Variants in BNC1 observed in about 807,000 individuals in gnomAD.
BNC1 encodes basonuclin zinc finger protein 1.
BNC1 carries 8 observed loss-of-function variants against 66.5 expected under a neutral mutation model. The ratio of observed to expected loss-of-function variants is 0.12; its 90% confidence interval spans 0.07 to 0.22. The LOEUF (loss-of-function observed/expected upper bound fraction) is 0.22, where lower values mean the gene tolerates loss of function less well. BNC1 is among the 10% of genes least tolerant of loss of function. The pLI is 1.00. For missense variants in BNC1, 1,069 were observed against 1,241.3 expected (o/e 0.86, Z 2.09); for synonymous variants, 454 against 452.6 (o/e 1.00, Z -0.04).
intron 4 of BNC1, among the ~76,000 whole-genome samples, chr15:83,260,608 C>T (rs1426890444): frequency 6.6e-6 from 1 of 152,190 alleles, no homozygotes; most frequent in Non-Finnish European, 1.5e-5. Flanking sequence ...CTGTAATTGC[C>T]TGTTTCTGGT....
At chr15:83,262,789 T>TA (rs2038158747) in intron 4 of BNC1, among the ~76,000 whole-genome samples, 162 bp downstream of exon 4, 1 of 152,186 alleles carries the variant, frequency 6.6e-6, no homozygotes, top group African/African-American at 2.4e-5. Context: ...GGGAACTTGT[T>TA]AAAAATGCCA....
rs750665685 is a variant in BNC1, at chr15:83,268,634, A to G, written c.100-402T>C. On this transcript the variant is annotated intron_variant, in intron 1 of 4. Coordinates refer to ENST00000345382, the MANE Select transcript of BNC1 (RefSeq NM_001717.4). ...CTTGGAACAAGTAAAAGGGAGAATA[A>G]TATGAACTGAGAGTAATCTACATAT... 7.9e-5 allele frequency among the ~76,000 whole-genome samples: 12 copies of G among 152,232 alleles called. No homozygotes were observed. The East Asian group carries it at 1.2e-3, about 15-fold the overall frequency.
chr15:83,283,381 C>G, intron 1 of BNC1: 1 of 1,360,654 alleles, frequency 7.3e-7, no homozygotes, highest in East Asian at 2.9e-5. Flanking sequence ...AGCGGGAGAC[C>G]CCGCAGCGGC....
intron 1 of BNC1, among the ~76,000 whole-genome samples, chr15:83,270,923 C>T (rs770446395): frequency 6.6e-6 from 1 of 152,184 alleles, no homozygotes; most frequent in Admixed American, 6.5e-5. Context: ...GAAAGCCACT[C>T]AACTGTACAC....
At chr15:83,266,314 A>AT (rs988300769) in intron 3 of BNC1, among the ~76,000 whole-genome samples, 1 of 152,092 alleles carries the variant, frequency 6.6e-6, no homozygotes, top group Non-Finnish European at 1.5e-5. Flanking sequence ...AGAGAGAGAG[A>AT]TTGAGAATGA....
intron 3 of BNC1, 42 bp from the exon 4 acceptor site, chr15:83,264,857 C>A (rs1291156143): frequency 6.4e-7 from 1 of 1,563,802 alleles, no homozygotes; most frequent in East Asian, 2.2e-5. Flanking sequence ...CAATTTACAA[C>A]TCCTTACCCT....
intron 3 of BNC1, 127 bp from the exon 4 acceptor site, chr15:83,264,942 G>A: frequency 2.1e-6 from 2 of 941,644 alleles, no homozygotes; most frequent in South Asian, 1.7e-5. Flanking sequence ...GCAGGGCTTT[G>A]GGGAATTTAG....
At chr15:83,284,437 C>T (rs2038421987) in intron 1 of BNC1, 93 bp downstream of exon 1, 1 of 837,146 alleles carries the variant, frequency 1.2e-6, no homozygotes, top group Non-Finnish European at 1.5e-6. Context: ...AGGTGGCCCT[C>T]GGGTACCCAC....
chr15:83,283,243 G>T, intron 1 of BNC1: 1 of 1,535,270 alleles, frequency 6.5e-7, no homozygotes, highest in South Asian at 1.2e-5. Context: ...GCTACGCGCT[G>T]ATTAATATCA....
chr15:83,261,289 AT>A (rs1386778393), intron 4 of BNC1, among the ~76,000 whole-genome samples: 1 of 152,200 alleles, frequency 6.6e-6, no homozygotes, highest in Non-Finnish European at 1.5e-5. Context: ...TAATATAAAC[AT>A]TTAACTAATA....
intron 1 of BNC1, among the ~76,000 whole-genome samples, chr15:83,281,955 C>A (rs767532773): frequency 2.0e-5 from 3 of 152,168 alleles, no homozygotes; most frequent in Non-Finnish European, 2.9e-5. Flanking sequence ...TAAAATAGCC[C>A]TCCAGTAAAT....
intron 2 of BNC1, among the ~76,000 whole-genome samples, chr15:83,267,823 T>C (rs1245816249): frequency 1.3e-5 from 2 of 152,198 alleles, no homozygotes; most frequent in Non-Finnish European, 2.9e-5. Context: ...TAACTAAGCG[T>C]TCTGTATTTT....
chr15:83,268,251 C>G lies in BNC1; in HGVS notation c.100-19G>C. On this transcript the variant is annotated intron_variant, in intron 1 of 4. Transcript: ENST00000345382. ...TGATAGCCTGAAAAAGAGGAGAAAACAGGTATGTGGAGCATGTAAGTGATG... is the reference window on the plus strand; with the variant it reads ...TGATAGCCTGAAAAAGAGGAGAAAAGAGGTATGTGGAGCATGTAAGTGATG... 6.3e-7 allele frequency: 1 copy of G among 1,591,118 alleles called. No individual in the cohort carries two copies. Among genetic ancestry groups the G allele is most frequent in the Non-Finnish European group, 8.6e-7 (1 of 1,159,078 alleles).
chr15:83,269,217 C>A (rs2038246517), intron 1 of BNC1, among the ~76,000 whole-genome samples: 1 of 152,146 alleles, frequency 6.6e-6, no homozygotes, highest in African/African-American at 2.4e-5. Context: ...GAGCGAGACT[C>A]CCTCTCAAAA....
At chr15:83,282,876 A>T (rs372173595) in intron 1 of BNC1, among the ~76,000 whole-genome samples, 8 of 150,208 alleles carry the variant, frequency 5.3e-5, no homozygotes, top group Middle Eastern at 3.2e-3. Context: ...TCACACACAC[A>T]CTCTCTCTCT....
At chr15:83,261,425 A>C (rs2038139270) in intron 4 of BNC1, among the ~76,000 whole-genome samples, 1 of 152,252 alleles carries the variant, frequency 6.6e-6, no homozygotes, top group South Asian at 2.1e-4. Flanking sequence ...AACTTGGACC[A>C]AGTGGTGGTG....
chr15:83,282,510 G>C (rs1036807172), intron 1 of BNC1, among the ~76,000 whole-genome samples: 1 of 152,120 alleles, frequency 6.6e-6, no homozygotes, highest in Non-Finnish European at 1.5e-5. Flanking sequence ...TTTATATGAT[G>C]TACAAAATTT....
rs2038194591 is a variant in BNC1, at chr15:83,264,565, C to T, written c.686G>A (p.Ser229Asn). 2 of 1,614,016 alleles carry T rather than the reference C, an allele frequency of 1.2e-6. No individual in the cohort carries two copies. Among genetic ancestry groups the T allele is most frequent in the Admixed American group, 1.7e-5 (1 of 59,998 alleles). The change falls in exon 4 of 5, where the codon AGT becomes AAT. Residue 229 changes from serine (S) to asparagine (N), a missense_variant. Coordinates refer to ENST00000345382, the MANE Select transcript of BNC1 (RefSeq NM_001717.4). ...TATGAGGTTCTCAAAGGGGTGTATA[C>T]TGCTGGGGTTTCCTTTGTCCACAGG... is the stretch of plus-strand genomic sequence containing the variant. Reference protein sequence around the residue: ...PTPVDKGNPSSIHPFENLISN... With the variant: ...PTPVDKGNPSNIHPFENLISN...
At chr15:83,281,046 ATAAC>A (rs965239656) in intron 1 of BNC1, among the ~76,000 whole-genome samples, 28 of 152,182 alleles carry the variant, frequency 1.8e-4, no homozygotes, top group African/African-American at 4.8e-4. Flanking sequence ...CTGTTTGCCG[ATAAC>A]TAACTATGTG....
Sources: gnomAD v4.1 joint callset for allele counts (sites outside exome capture counted in the v4.1 genomes callset) on GRCh38, gnomAD v4.1.1 for gene constraint, MANE v1.5 for transcripts, NCBI Gene and HGNC (gene_info 2026-07-23, HGNC 2026-07-21) for gene names.